XKR9: variants seen among roughly 807,000 people sequenced by gnomAD.
XKR9 encodes XK related 9.
XKR9 carries 32 observed loss-of-function variants against 32.0 expected under a neutral mutation model. That is an observed-to-expected ratio of 1.00 (90% CI 0.76 to 1.34). XKR9 has a LOEUF of 1.34. Among genes scored for constraint, XKR9 ranks in the 40% most tolerant of loss-of-function variants. The pLI is 0.00. For missense variants in XKR9, 546 were observed against 429.7 expected, an observed-to-expected ratio of 1.27 and a Z score of -2.39; for synonymous variants, 168 against 143.4, an observed-to-expected ratio of 1.17 and a Z score of -1.22.
chr8:70,730,740 T>C (rs1806636729), intron 4 of XKR9, among the ~76,000 whole-genome samples: 1 of 152,176 alleles, frequency 6.6e-6, no homozygotes, highest in African/African-American at 2.4e-5. Flanking sequence ...AAGCCAAGAA[T>C]TGAATCTGGA....
At chr8:70,905,314 C>T in the XKR9 span, among the ~76,000 whole-genome samples, 53 of 152,226 alleles carry the variant, frequency 3.5e-4, no homozygotes, top group African/African-American at 7.7e-4. Context: ...AGGCTTTGTT[C>T]GTTTCTTTTT....
At chr8:70,903,506 T>A in the XKR9 span, among the ~76,000 whole-genome samples, 3 of 152,166 alleles carry the variant, frequency 2.0e-5, no homozygotes, top group Non-Finnish European at 2.9e-5. Flanking sequence ...TTTTTTATTG[T>A]GTATATTTTA....
At chr8:70,739,280 A>G (rs373284478), downstream of XKR9, among the ~76,000 whole-genome samples, 7 of 152,172 alleles carry the variant, frequency 4.6e-5, no homozygotes, top group Admixed American at 2.6e-4. Flanking sequence ...ATCAGAGACT[A>G]TGATTGCAAT....
the XKR9 span, among the ~76,000 whole-genome samples, chr8:71,023,631 G>A: frequency 6.6e-6 from 1 of 152,280 alleles, no homozygotes; most frequent in South Asian, 2.1e-4. Flanking sequence ...GTAGTGGGCT[G>A]GGGAAATGGG....
the XKR9 span, among the ~76,000 whole-genome samples, chr8:70,875,833 A>T: frequency 6.6e-6 from 1 of 152,214 alleles, no homozygotes; most frequent in East Asian, 1.9e-4. Context: ...TGAGATAGTC[A>T]AGATTTAGAA....
chr8:70,767,360 C>G (rs1246309272), intron 2 of XKR9, among the ~76,000 whole-genome samples: 1 of 151,996 alleles, frequency 6.6e-6, no homozygotes, highest in African/African-American at 2.4e-5. Context: ...TTATCCATTT[C>G]TTCTAGATTT....
At chr8:70,695,984 TAA>T (rs1805259485) in intron 3 of XKR9, among the ~76,000 whole-genome samples, 1 of 152,122 alleles carries the variant, frequency 6.6e-6, no homozygotes, top group African/African-American at 2.4e-5. Context: ...TGTCTTCTTT[TAA>T]GAAGTGTCTG....
the XKR9 span, among the ~76,000 whole-genome samples, chr8:70,795,555 CACA>C: frequency 6.6e-6 from 1 of 152,124 alleles, no homozygotes; most frequent in African/African-American, 2.4e-5. Context: ...GAGGAATCAC[CACA>C]ACGTCTTCCA....
the XKR9 span, among the ~76,000 whole-genome samples, chr8:70,802,250 C>T: frequency 1.1e-3 from 173 of 151,972 alleles, no homozygotes; most frequent in African/African-American, 3.9e-3. Context: ...TTTTCTTTTT[C>T]GATCATTGCT....
At chr8:71,046,305 G>A in the XKR9 span, among the ~76,000 whole-genome samples, 3 of 152,136 alleles carry the variant, frequency 2.0e-5, no homozygotes, top group African/African-American at 4.8e-5. Context: ...CTGAAAGGGC[G>A]GTGCAGGGGT....
chr8:70,852,052 TC>T, the XKR9 span, among the ~76,000 whole-genome samples: 1 of 152,118 alleles, frequency 6.6e-6, no homozygotes, highest in Admixed American at 6.6e-5. Flanking sequence ...AGGTCTAATA[TC>T]CAGAATCTAC....
chr8:70,677,167 A>T (rs1818914258), intron 2 of XKR9, among the ~76,000 whole-genome samples: 1 of 145,172 alleles, frequency 6.9e-6, no homozygotes, highest in Non-Finnish European at 1.6e-5. Flanking sequence ...TTGTTTTGTG[A>T]CAGGGTCTCA....
chr8:70,980,168 T>C, the XKR9 span, among the ~76,000 whole-genome samples: 1 of 152,238 alleles, frequency 6.6e-6, no homozygotes, highest in South Asian at 2.1e-4. Context: ...TAGTCTGCCA[T>C]GGCTTCCCTT....
At chr8:70,786,781 G>C (rs1280856723) in intron 2 of XKR9, among the ~76,000 whole-genome samples, 1 of 151,936 alleles carries the variant, frequency 6.6e-6, no homozygotes, top group Non-Finnish European at 1.5e-5. Context: ...TTATCATTAG[G>C]TAAGGACCTA....
the XKR9 span, among the ~76,000 whole-genome samples, chr8:70,892,238 T>C: frequency 6.6e-6 from 1 of 152,104 alleles, no homozygotes; most frequent in Admixed American, 6.6e-5. Flanking sequence ...GGGAATTTAA[T>C]CCATTTACAT....
At chr8:70,702,568 C>G (rs571712089) in intron 3 of XKR9, among the ~76,000 whole-genome samples, 1 of 152,106 alleles carries the variant, frequency 6.6e-6, no homozygotes, top group African/African-American at 2.4e-5. Context: ...CTCACTTTAC[C>G]TTTGTCAATT....
At chr8:70,778,702 T>C in intron 2 of XKR9, among the ~76,000 whole-genome samples, 1 of 152,156 alleles carries the variant, frequency 6.6e-6, no homozygotes, top group Non-Finnish European at 1.5e-5. Flanking sequence ...TTCATTCTCT[T>C]TGTAGTAATT....
At chr8:70,862,914 G>A in the XKR9 span, among the ~76,000 whole-genome samples, 6 of 152,278 alleles carry the variant, frequency 3.9e-5, no homozygotes, top group South Asian at 1.2e-3. Context: ...TGGCACTTGA[G>A]CTGAGATCTG....
chr8:71,034,699 T>A, the XKR9 span, among the ~76,000 whole-genome samples: 2 of 151,968 alleles, frequency 1.3e-5, no homozygotes, highest in Non-Finnish European at 2.9e-5. Flanking sequence ...GATGTCAGCC[T>A]CCTGCTGTGG....
Sources: allele counts gnomAD v4.1 joint callset (sites outside exome capture counted in the v4.1 genomes callset), GRCh38; gene constraint gnomAD v4.1.1; transcripts MANE v1.5; gene names NCBI Gene and HGNC (gene_info 2026-07-23, HGNC 2026-07-21).